ZFAT: variants seen among roughly 807,000 people sequenced by gnomAD.
ZFAT encodes zinc finger protein ZFAT.
A neutral mutation model predicts 117.7 loss-of-function variants in ZFAT; 64 were observed. That is an observed-to-expected ratio of 0.54 (90% confidence interval 0.44 to 0.67). The LOEUF is 0.67. Among genes scored for constraint, ZFAT ranks in the 30% least tolerant of loss-of-function variants. The probability of loss-of-function intolerance (pLI) is 0.00; values close to 1 mark genes in which losing one functional copy is unlikely to be tolerated. For synonymous variants in ZFAT, 679 were observed against 615.0 expected, an observed-to-expected ratio of 1.10 and a Z score of -1.54; for missense variants, 1,433 against 1,584.5, an observed-to-expected ratio of 0.90 and a Z score of 1.62.
At chr8:134,728,288 G>T in the ZFAT span, among the ~76,000 whole-genome samples, 1 of 151,862 alleles carries the variant, frequency 6.6e-6, no homozygotes, top group Non-Finnish European at 1.5e-5. Context: ...ATCTCTGCTA[G>T]GTAGCATGTA....
At chr8:134,495,987 A>C (rs1010598906) in intron 15 of ZFAT, among the ~76,000 whole-genome samples, 3 of 152,154 alleles carry the variant, frequency 2.0e-5, no homozygotes, top group African/African-American at 7.2e-5. Context: ...CCAAGCATAG[A>C]GCCTAGACAA....
intron 1 of ZFAT, among the ~76,000 whole-genome samples, chr8:134,702,381 T>C (rs1834033562): frequency 6.6e-6 from 1 of 152,194 alleles, no homozygotes; most frequent in Non-Finnish European, 1.5e-5. Flanking sequence ...TCTGGCTGCA[T>C]TTCCACCCAA....
chr8:134,508,036 G>A (rs959425753), intron 15 of ZFAT, among the ~76,000 whole-genome samples: 2 of 152,162 alleles, frequency 1.3e-5, no homozygotes, highest in African/African-American at 4.8e-5. Context: ...CTCAGCCAAC[G>A]CAGATACCAG....
intron 1 of ZFAT, 106 bp downstream of exon 1, chr8:134,712,739 G>GGCGCGGCCGGCGGCCGGC (rs1554626161): frequency 7.9e-6 from 9 of 1,135,864 alleles, no homozygotes; most frequent in Non-Finnish European, 1.0e-5. Flanking sequence ...GCCGGCGGCC[G>GGCGCGGCCGGCGGCCGGC]GCGGCCGGCG....
the ZFAT span, among the ~76,000 whole-genome samples, chr8:134,822,932 C>T: frequency 3.9e-5 from 6 of 152,108 alleles, no homozygotes; most frequent in Admixed American, 1.3e-4. Context: ...AAATCTATTC[C>T]CCCAAGCCAA....
chr8:134,569,897 T>C (rs1381825358), intron 10 of ZFAT, among the ~76,000 whole-genome samples: 1 of 152,188 alleles, frequency 6.6e-6, no homozygotes, highest in African/African-American at 2.4e-5. Flanking sequence ...TGTACAACTA[T>C]ATCAAAGTGT....
At chr8:134,806,458 C>G in the ZFAT span, among the ~76,000 whole-genome samples, 1 of 152,146 alleles carries the variant, frequency 6.6e-6, no homozygotes, top group Non-Finnish European at 1.5e-5. Flanking sequence ...ACTATTCAAA[C>G]TGTACTACAA....
chr8:134,542,916 T>C (rs1822380569), intron 11 of ZFAT, among the ~76,000 whole-genome samples: 2 of 152,000 alleles, frequency 1.3e-5, no homozygotes, highest in South Asian at 4.2e-4. Context: ...CACCTCTCTG[T>C]GATAGTCAGC....
chr8:134,647,398 A>G (rs771870099), intron 2 of ZFAT, among the ~76,000 whole-genome samples: 45 of 152,224 alleles, frequency 3.0e-4, no homozygotes, highest in Non-Finnish European at 5.3e-4. Flanking sequence ...GTGCTTCAAC[A>G]AACGACAGAC....
the ZFAT span, among the ~76,000 whole-genome samples, chr8:134,760,174 A>T: frequency 6.6e-6 from 1 of 151,332 alleles, no homozygotes; most frequent in South Asian, 2.1e-4. Flanking sequence ...AGGCTGAGGC[A>T]GAAGAATGGC....
At position 134,601,690 on chromosome 8, in the gene ZFAT, T is replaced by C; in HGVS notation, c.2029A>G (p.Asn677Asp). The C allele has an allele frequency of 1.9e-6, 3 of 1,613,798 alleles. No individual in the cohort carries two copies. The highest frequency in any genetic ancestry group is 2.5e-6 in the Non-Finnish European group (3 of 1,179,802). The change falls in exon 6 of 16, where the codon AAC becomes GAC. Residue 677 changes from asparagine to aspartate, a missense_variant. This residue lies in a region of ZFAT where 372 missense variants were observed against 355.6 expected (regional missense o/e 1.05). Transcript: ENST00000377838. ...AGGAGGTCTGAGGCCTCAGCTGGGT[T>C]TGACCTGAGACACCTGCTGGGATCT... ...DPDPSRCLRS[N>D]PAEASDLLPP...
At position 134,478,046 on chromosome 8, in the gene ZFAT, T is replaced by TGA. The variant is rs1817001482; in HGVS notation, c.*434_*435dup. 5.2e-6 allele frequency: 1 copy of TGA among 193,390 alleles called. No homozygotes were observed. Among genetic ancestry groups the TGA allele is most frequent in the Non-Finnish European group, 1.1e-5 (1 of 92,178 alleles). 12.0% of individuals were successfully genotyped at this position (193,390 alleles called of 1,614,324 possible). A position where few individuals can be genotyped will look rare whatever the true frequency, so the allele number is the denominator to read the frequency against. The stretch of plus-strand genomic sequence containing the variant: ...AAAACCCGTACGGTCACTTTCTATG[T>TGA]GATGGCTGTCTCCCTCTCACCAGAC... On this transcript the variant is annotated 3_prime_UTR_variant, in exon 16 of 16. Coordinates refer to ENST00000377838, the MANE Select transcript of ZFAT (RefSeq NM_020863.4). The surrounding 1 kb of genome is among the most constrained non-coding windows in gnomAD (Gnocchi z 5.2).
intron 1 of ZFAT, among the ~76,000 whole-genome samples, chr8:134,688,937 T>C (rs765358679): frequency 1.3e-5 from 2 of 152,144 alleles, no homozygotes; most frequent in Admixed American, 6.5e-5. Flanking sequence ...TGCAGGAGTT[T>C]ATTCCAGTGA....
At chr8:134,747,430 T>C in the ZFAT span, among the ~76,000 whole-genome samples, 4 of 152,204 alleles carry the variant, frequency 2.6e-5, no homozygotes, top group Non-Finnish European at 4.4e-5. Flanking sequence ...TGTTTAAGCA[T>C]CCTTTCTGAA....
At chr8:134,808,119 C>T in the ZFAT span, among the ~76,000 whole-genome samples, 19 of 152,206 alleles carry the variant, frequency 1.2e-4, no homozygotes, top group Admixed American at 1.2e-3. Context: ...AACGATTTCG[C>T]TAAGCTCACA....
At chr8:134,763,332 T>G in the ZFAT span, among the ~76,000 whole-genome samples, 5 of 152,208 alleles carry the variant, frequency 3.3e-5, no homozygotes, top group Non-Finnish European at 5.9e-5. Context: ...ACAATGTTCT[T>G]CTTGGAACAA....
At chr8:134,634,111 A>T (rs143985180) in intron 3 of ZFAT, among the ~76,000 whole-genome samples, 1 of 152,346 alleles carries the variant, frequency 6.6e-6, no homozygotes, top group African/African-American at 2.4e-5. Context: ...TTAAGCTACC[A>T]TGAGAATTAA....
chr8:134,682,936 C>G (rs180999375), intron 1 of ZFAT, among the ~76,000 whole-genome samples: 1 of 152,300 alleles, frequency 6.6e-6, no homozygotes, highest in Admixed American at 6.5e-5. Flanking sequence ...CTTTCGTACT[C>G]CCTCTCACAT....
intron 5 of ZFAT, among the ~76,000 whole-genome samples, chr8:134,604,865 T>C (rs1827766336): frequency 6.6e-6 from 1 of 152,188 alleles, no homozygotes; most frequent in African/African-American, 2.4e-5. Context: ...CTTTCTCAAA[T>C]GACAAAGATA....
Sources: allele counts gnomAD v4.1 joint callset (sites outside exome capture counted in the v4.1 genomes callset), GRCh38; gene constraint gnomAD v4.1.1; regional missense constraint gnomAD v4.1.1; non-coding constraint Gnocchi (gnomAD v3.1); transcripts MANE v1.5; gene names NCBI Gene and HGNC (gene_info 2026-07-23, HGNC 2026-07-21).